The following ELMO1 variants were observed in gnomAD, a reference collection of about 807,000 sequenced individuals.
ELMO1 encodes engulfment and cell motility 1.
Under a neutral mutation model 98.9 loss-of-function variants are expected in ELMO1, and 26 were observed. The observed-to-expected ratio is 0.26, with a 90% confidence interval of 0.19 to 0.36. The LOEUF (loss-of-function observed/expected upper bound fraction) is 0.36, where lower values mean the gene tolerates loss of function less well. Among genes scored for constraint, ELMO1 ranks in the 10% least tolerant of loss-of-function variants. ELMO1 has a pLI of 1.00. For synonymous variants in ELMO1, 346 were observed against 346.0 expected, an observed-to-expected ratio of 1.00 and a Z score of 0.00; for missense variants, 627 against 935.2, an observed-to-expected ratio of 0.67 and a Z score of 4.30.
chr7:37,030,180 G>T (rs1180553088), intron 15 of ELMO1, among the ~76,000 whole-genome samples: 1 of 152,078 alleles, frequency 6.6e-6, no homozygotes, highest in Non-Finnish European at 1.5e-5. Flanking sequence ...AAAACCTAAG[G>T]ATGAGACTAA....
chr7:37,077,973 TTA>T (rs1797672649), intron 15 of ELMO1, among the ~76,000 whole-genome samples: 1 of 152,206 alleles, frequency 6.6e-6, no homozygotes, highest in Admixed American at 6.5e-5. Context: ...CTTTTATTTT[TTA>T]TGTCATAAGT....
Position 37,045,826 on chromosome 7 carries a change from T to TC in ELMO1, c.1301-32392dup, listed in dbSNP as rs1795766360. ...AATGCTTCAGAGTTAACAAAGCATT[T>TC]CCCCACAGCTTACCACACATTATCT... On this transcript the variant is annotated intron_variant, in intron 15 of 21. Coordinates refer to ENST00000310758, the MANE Select transcript of ELMO1 (RefSeq NM_014800.11). Among the ~76,000 whole-genome samples the TC allele has an allele frequency of 2.0e-5, 3 of 152,136 alleles. No individual in the cohort carries two copies. The South Asian group carries it at 6.2e-4, about 32-fold the overall frequency.
chr7:37,429,844 T>C (rs1174366443), intron 1 of ELMO1: 1 of 152,242 alleles, frequency 6.6e-6, no homozygotes, highest in African/African-American at 2.4e-5. Flanking sequence ...ATTCAGGGCA[T>C]CCCTAAGGGG....
intron 2 of ELMO1, among the ~76,000 whole-genome samples, chr7:37,325,314 C>T (rs1226721128): frequency 6.6e-6 from 1 of 152,240 alleles, no homozygotes; most frequent in Non-Finnish European, 1.5e-5. Flanking sequence ...ACTGTCCCCT[C>T]CCAGGCGCGT....
In ELMO1 at chr7:37,101,407, G is replaced by A. The variant is rs368665984; in HGVS notation, c.1192-4680C>T. ...TGGAGTCTTTTATTAGCCGGTGACCGAGAGACAGCTAGCGCTCAAAATTCT... is the reference window on the plus strand; with the variant it reads ...TGGAGTCTTTTATTAGCCGGTGACCAAGAGACAGCTAGCGCTCAAAATTCT... On this transcript the variant is annotated intron_variant, in intron 14 of 21. Coordinates refer to ENST00000310758, the MANE Select transcript of ELMO1 (RefSeq NM_014800.11). 5.3e-5 allele frequency among the ~76,000 whole-genome samples: 8 copies of A among 152,288 alleles called. No homozygotes were observed. The South Asian group carries it at 1.0e-3, about 20-fold the overall frequency.
intron 15 of ELMO1, 136 bp from the exon 16 acceptor site, chr7:37,013,571 T>C (rs1231311424): frequency 1.0e-5 from 11 of 1,082,682 alleles, no homozygotes; most frequent in South Asian, 3.4e-5. Context: ...AAAAGTATTT[T>C]TGAAAAAAGC....
chr7:37,194,132 C>T (rs1791824911), intron 13 of ELMO1, among the ~76,000 whole-genome samples: 1 of 152,228 alleles, frequency 6.6e-6, no homozygotes, highest in African/African-American at 2.4e-5. Context: ...AGTTTCCCAG[C>T]TCCCCTTTCA....
chr7:37,396,194 T>C (rs1803293355), intron 1 of ELMO1, among the ~76,000 whole-genome samples: 1 of 152,104 alleles, frequency 6.6e-6, no homozygotes, highest in Non-Finnish European at 1.5e-5. Flanking sequence ...TTGAGCCTCC[T>C]TTCTTCCTAA....
intron 4 of ELMO1, among the ~76,000 whole-genome samples, chr7:37,287,772 G>A (rs1168868305): frequency 1.3e-5 from 2 of 152,182 alleles, no homozygotes; most frequent in African/African-American, 2.4e-5. Flanking sequence ...TGCAGCCCTA[G>A]TCAACATCGA....
At chr7:36,929,682 G>A (rs1365447995) in intron 16 of ELMO1, among the ~76,000 whole-genome samples, 1 of 152,166 alleles carries the variant, frequency 6.6e-6, no homozygotes, top group Non-Finnish European at 1.5e-5. Context: ...TAGAGAGTAT[G>A]TCTTAGACTC....
intron 1 of ELMO1, among the ~76,000 whole-genome samples, chr7:37,366,025 G>A (rs1237797824): frequency 1.3e-5 from 2 of 152,170 alleles, no homozygotes; most frequent in Admixed American, 6.5e-5. Flanking sequence ...TCTCCACCAA[G>A]GAGGTTCCCA....
chr7:37,105,886 G>A (rs1050161135), intron 14 of ELMO1, among the ~76,000 whole-genome samples: 10 of 152,190 alleles, frequency 6.6e-5, no homozygotes, highest in Non-Finnish European at 1.2e-4. Context: ...AGAATGGGGA[G>A]CCACTGCTTA....
At position 37,349,052 on chromosome 7, in the gene ELMO1, C is replaced by T. The variant is rs75769381; in HGVS notation, c.-73-6289G>A. Among the ~76,000 whole-genome samples the T allele has an allele frequency of 2.0e-4, 31 of 152,258 alleles. No individual in the cohort carries two copies. The East Asian group carries it at 5.4e-3, about 27-fold the overall frequency. Reference sequence around the variant, plus strand: ...AACGAACACACTTGCCCTGGTGAACCGTGTGTCCCCTCCCCTACTGCACTC... The same window carrying T: ...AACGAACACACTTGCCCTGGTGAACTGTGTGTCCCCTCCCCTACTGCACTC... On this transcript the variant is annotated intron_variant, in intron 1 of 21. Transcript: ENST00000310758.
chr7:37,172,747 T>TA (rs1790254276), intron 13 of ELMO1, among the ~76,000 whole-genome samples: 1 of 152,234 alleles, frequency 6.6e-6, no homozygotes, highest in Non-Finnish European at 1.5e-5. Context: ...ATTTATATGT[T>TA]ACGCTGAGAA....
chr7:37,223,751 A>G (rs1382734547), intron 9 of ELMO1, among the ~76,000 whole-genome samples: 1 of 152,222 alleles, frequency 6.6e-6, no homozygotes, highest in Admixed American at 6.5e-5. Context: ...TGAGGCCACA[A>G]TCACGGAGGC....
intron 13 of ELMO1, among the ~76,000 whole-genome samples, chr7:37,178,087 G>A (rs558985342): frequency 6.6e-6 from 1 of 152,004 alleles, no homozygotes; most frequent in African/African-American, 2.4e-5. Flanking sequence ...TGTGTTTCTG[G>A]GAGGGATTAG....
At chr7:37,383,074 T>A (rs1484506703) in intron 1 of ELMO1, among the ~76,000 whole-genome samples, 1 of 152,194 alleles carries the variant, frequency 6.6e-6, no homozygotes, top group African/African-American at 2.4e-5. Flanking sequence ...AGCACAATAA[T>A]CAAAATCAGG....
chr7:36,964,485 G>A (rs75297379), intron 16 of ELMO1, among the ~76,000 whole-genome samples: 3,301 of 152,206 alleles, frequency 0.022, 117 homozygotes, highest in African/African-American at 0.076. Flanking sequence ...AATGTGTGTC[G>A]CTCTCACATC....
At chr7:37,397,473 C>T (rs935773348) in intron 1 of ELMO1, among the ~76,000 whole-genome samples, 2 of 152,108 alleles carry the variant, frequency 1.3e-5, no homozygotes, top group Non-Finnish European at 2.9e-5. Context: ...GCACAAAAGG[C>T]GTTATGGACA....
Sources: allele counts gnomAD v4.1 joint callset (sites outside exome capture counted in the v4.1 genomes callset), GRCh38; gene constraint gnomAD v4.1.1; transcripts MANE v1.5; gene names NCBI Gene and HGNC (gene_info 2026-07-23, HGNC 2026-07-21).